The following ZMAT3 variants were observed in gnomAD, a reference collection of about 807,000 sequenced individuals.
The protein encoded by ZMAT3 is zinc finger matrin-type 3, also known as zinc finger matrin-type protein 3.
A neutral mutation model predicts 32.3 loss-of-function variants in ZMAT3; 17 were observed. That is an observed-to-expected ratio of 0.53 (90% confidence interval 0.36 to 0.79). ZMAT3 has a LOEUF of 0.79. Ranked by LOEUF, ZMAT3 falls within the 30% of genes least tolerant of loss-of-function variation. The pLI, the probability that ZMAT3 is intolerant of heterozygous loss-of-function variation, is 0.00. For missense variants in ZMAT3, 329 were observed against 359.7 expected, an observed-to-expected ratio of 0.91 and a Z score of 0.69; for synonymous variants, 120 against 133.1, an observed-to-expected ratio of 0.90 and a Z score of 0.68.
rs377585101 is a variant in ZMAT3, at chr3:179,067,495, C to A, written c.258G>T (p.Gln86His). ...NVTLNSAQQA[Q>H]AHYQGKNHGK... The stretch of plus-strand genomic sequence containing the variant: ...TTTCTCCCTTTACCTGATAATGAGC[C>A]TGGGCTTGCTGTGCAGAGTTCAAGG... The change falls in exon 2 of 6, where the codon CAG (glutamine) becomes CAT (histidine). Residue 86 changes from glutamine to histidine, a missense_variant. Coordinates refer to ENST00000311417, the MANE Select transcript of ZMAT3 (RefSeq NM_022470.4). The A allele has an allele frequency of 3.1e-6, 5 of 1,614,104 alleles. No individual in the cohort carries two copies. The highest frequency in any genetic ancestry group is 4.2e-6 in the Non-Finnish European group (5 of 1,179,982).
At chr3:179,029,092 C>T (rs1229129397) in intron 3 of ZMAT3, among the ~76,000 whole-genome samples, 1 of 150,830 alleles carries the variant, frequency 6.6e-6, no homozygotes, top group African/African-American at 2.4e-5. Context: ...ACCCAGGAGG[C>T]GGAGGTTGCA....
chr3:179,025,092 T>C lies in ZMAT3; in HGVS notation c.795A>G (p.Leu265=). Residue 265 remains leucine, a synonymous_variant, in exon 6 of 6, where the codon TTA becomes TTG. Transcript: ENST00000311417. The part of the protein sequence containing the change: ...AGEEMEFRQH[L]ESKQHKSKVS... ...CCTTGCTCTTATGTTGCTTGCTCTC[T>C]AAATGCTGCCGGAATTCCATCTCTT... 4.3e-6 allele frequency: 7 copies of C among 1,614,212 alleles called. No individual in the cohort carries two copies. The Middle Eastern group carries it at 6.6e-4, about 152-fold the overall frequency.
At chr3:179,065,046 T>C (rs1211656027) in intron 2 of ZMAT3, among the ~76,000 whole-genome samples, 2 of 152,208 alleles carry the variant, frequency 1.3e-5, no homozygotes, top group Non-Finnish European at 2.9e-5. Context: ...ACCTTCTCTC[T>C]TTAAGAGTTA....
chr3:179,042,356 T>C (rs868233012), intron 2 of ZMAT3, among the ~76,000 whole-genome samples: 18 of 152,174 alleles, frequency 1.2e-4, no homozygotes, highest in East Asian at 1.2e-3. Flanking sequence ...TCCAGCAGCG[T>C]ATCAAAAAGC....
intron 2 of ZMAT3, among the ~76,000 whole-genome samples, chr3:179,041,441 C>T (rs1576852855): frequency 6.6e-6 from 1 of 152,216 alleles, no homozygotes; most frequent in African/African-American, 2.4e-5. Flanking sequence ...CTCAAAACTG[C>T]ACAACTACAT....
At chr3:179,030,072 C>T (rs1024640042) in intron 3 of ZMAT3, among the ~76,000 whole-genome samples, 2 of 152,192 alleles carry the variant, frequency 1.3e-5, no homozygotes, top group Non-Finnish European at 2.9e-5. Flanking sequence ...TCAGAGGCTA[C>T]TAAGGTACAG....
At chr3:179,025,999 T>G (rs1718846870) in intron 5 of ZMAT3, among the ~76,000 whole-genome samples, 2 of 152,204 alleles carry the variant, frequency 1.3e-5, no homozygotes, top group Non-Finnish European at 2.9e-5. Flanking sequence ...AGGTAATACT[T>G]TTCTCAAAAT....
At chr3:179,063,361 T>C (rs1293225648) in intron 2 of ZMAT3, among the ~76,000 whole-genome samples, 2 of 152,242 alleles carry the variant, frequency 1.3e-5, no homozygotes, top group African/African-American at 4.8e-5. Context: ...TTATGAATTA[T>C]GAATTAAGAC....
At chr3:179,069,762 T>C (rs567507924) in intron 1 of ZMAT3, among the ~76,000 whole-genome samples, 6 of 152,320 alleles carry the variant, frequency 3.9e-5, no homozygotes, top group South Asian at 2.1e-4. Flanking sequence ...GTATTAGTCA[T>C]AGAATTTAAC....
At chr3:179,064,452 G>GT (rs1033330070) in intron 2 of ZMAT3, among the ~76,000 whole-genome samples, 2 of 152,032 alleles carry the variant, frequency 1.3e-5, no homozygotes, top group Non-Finnish European at 2.9e-5. Context: ...TTTTTTGTGT[G>GT]TTTTTTGTTG....
intron 2 of ZMAT3, among the ~76,000 whole-genome samples, chr3:179,061,147 A>G (rs1161983584): frequency 6.6e-6 from 1 of 152,202 alleles, no homozygotes; most frequent in Non-Finnish European, 1.5e-5. Context: ...TTTAAAAAAG[A>G]AAACATATAT....
chr3:179,067,452 C>T (rs1228864614), intron 2 of ZMAT3, 31 bp downstream of exon 2: 8 of 1,609,460 alleles, frequency 5.0e-6, no homozygotes, highest in Non-Finnish European at 6.8e-6. Flanking sequence ...GTTCACCCTA[C>T]TCAATGCCTG....
chr3:179,025,887 A>G (rs1718839765), intron 5 of ZMAT3, among the ~76,000 whole-genome samples: 1 of 152,206 alleles, frequency 6.6e-6, no homozygotes, highest in Non-Finnish European at 1.5e-5. Context: ...TGTTGGTGAC[A>G]TTACTGATCA....
intron 2 of ZMAT3, among the ~76,000 whole-genome samples, chr3:179,066,043 G>A (rs1373816248): frequency 6.6e-6 from 1 of 152,122 alleles, no homozygotes; most frequent in Non-Finnish European, 1.5e-5. Context: ...TTTTCAAAGT[G>A]AGTCTTAGGC....
chr3:179,041,082 C>G (rs1025249514), intron 2 of ZMAT3, among the ~76,000 whole-genome samples: 1 of 152,146 alleles, frequency 6.6e-6, no homozygotes, highest in African/African-American at 2.4e-5. Flanking sequence ...ATTCATAAAG[C>G]AAGTCCTCAG....
chr3:179,026,291 A>C (rs939706218), intron 5 of ZMAT3, among the ~76,000 whole-genome samples: 8 of 151,844 alleles, frequency 5.3e-5, no homozygotes, highest in Non-Finnish European at 8.8e-5. Context: ...TCTTTCATCC[A>C]ATTTAACATT....
rs559572036 is a variant in ZMAT3 at position 179,055,150 on chromosome 3, C to G, written c.270+12333G>C. Among the ~76,000 whole-genome samples, 203 of 152,222 alleles carry G rather than the reference C, an allele frequency of 1.3e-3. 1 individual carries two copies. The highest frequency in any genetic ancestry group is 4.7e-3 in the African/African-American group (194 of 41,538). Reference sequence around the variant, plus strand: ...CTCCAAAGCGATGGGAAACATTCCCCCCAAGGCAAAAACGCCCCTAAGATG... The same window carrying G: ...CTCCAAAGCGATGGGAAACATTCCCGCCAAGGCAAAAACGCCCCTAAGATG... On this transcript the variant is annotated intron_variant, in intron 2 of 5. Coordinates refer to ENST00000311417, the MANE Select transcript of ZMAT3 (RefSeq NM_022470.4).
At chr3:179,038,090 A>G (rs956200602) in intron 2 of ZMAT3, among the ~76,000 whole-genome samples, 4 of 152,234 alleles carry the variant, frequency 2.6e-5, no homozygotes, top group African/African-American at 9.6e-5. Flanking sequence ...CATGTCAGCT[A>G]AAAGCTGAAG....
At chr3:179,056,150 GC>G (rs1188955624) in intron 2 of ZMAT3, among the ~76,000 whole-genome samples, 1 of 152,150 alleles carries the variant, frequency 6.6e-6, no homozygotes, top group South Asian at 2.1e-4. Flanking sequence ...TCTATTGAAG[GC>G]CAACTAATCT....
Sources: allele counts gnomAD v4.1 joint callset (sites outside exome capture counted in the v4.1 genomes callset), GRCh38; gene constraint gnomAD v4.1.1; transcripts MANE v1.5; gene names NCBI Gene and HGNC (gene_info 2026-07-23, HGNC 2026-07-21).